Variants in NBEA observed in about 807,000 individuals in gnomAD.
NBEA encodes the protein lysosomal-trafficking regulator 2.
NBEA carries 44 observed loss-of-function variants against 343.4 expected under a neutral mutation model. That is an observed-to-expected ratio of 0.13 (90% CI 0.10 to 0.16). The LOEUF (loss-of-function observed/expected upper bound fraction) is 0.16. Among genes scored for constraint, NBEA ranks in the 10% least tolerant of loss-of-function variants. NBEA has a pLI of 1.00. For synonymous variants in NBEA, 1,175 were observed against 1,238.7 expected (o/e 0.95, Z 1.08); for missense variants, 2,555 against 3,631.3 (o/e 0.70, Z 7.62).
At chr13:35,656,370 T>C (rs2084814513) in intron 55 of NBEA, among the ~76,000 whole-genome samples, 1 of 152,236 alleles carries the variant, frequency 6.6e-6, no homozygotes, top group Non-Finnish European at 1.5e-5. Context: ...TGAAATAATT[T>C]TGGAGTACAG....
chr13:35,088,861 G>C (rs982341456), intron 10 of NBEA, among the ~76,000 whole-genome samples: 1 of 140,468 alleles, frequency 7.1e-6, no homozygotes, highest in Non-Finnish European at 1.5e-5. Context: ...GCCATATGTA[G>C]AAAGCTGAAA....
At chr13:35,085,104 C>T (rs2064670134) in intron 10 of NBEA, among the ~76,000 whole-genome samples, 2 of 151,740 alleles carry the variant, frequency 1.3e-5, no homozygotes, top group Admixed American at 1.3e-4. Flanking sequence ...GCTTACCAAC[C>T]AAAAAAAGTC....
chr13:35,481,115 A>G (rs1214847984), intron 41 of NBEA, among the ~76,000 whole-genome samples: 1 of 152,104 alleles, frequency 6.6e-6, no homozygotes, highest in East Asian at 1.9e-4. Flanking sequence ...CCTTTGCCTC[A>G]GTTTTCTTCA....
chr13:35,216,159 A>C (rs1006103459), intron 33 of NBEA, among the ~76,000 whole-genome samples: 2 of 151,302 alleles, frequency 1.3e-5, no homozygotes, highest in Admixed American at 6.6e-5. Flanking sequence ...TAATATTTTT[A>C]GAGTGTTTTT....
At chr13:35,651,299 T>TG (rs955173482) in intron 52 of NBEA, among the ~76,000 whole-genome samples, 3 of 152,274 alleles carry the variant, frequency 2.0e-5, no homozygotes, top group Admixed American at 6.5e-5. Context: ...TGTCACATGT[T>TG]GAAAAAAAGG....
intron 36 of NBEA, among the ~76,000 whole-genome samples, chr13:35,314,275 A>C (rs1594180089): frequency 6.6e-6 from 1 of 152,152 alleles, no homozygotes; most frequent in East Asian, 1.9e-4. Flanking sequence ...AAGAGAAAAA[A>C]CTAAAGAAAC....
chr13:35,260,823 T>A (rs2152797827), intron 34 of NBEA, among the ~76,000 whole-genome samples: 1 of 152,288 alleles, frequency 6.6e-6, no homozygotes, highest in Non-Finnish European at 1.5e-5. Context: ...TCCTAATTGA[T>A]TTCCTGGGAC....
Position 35,667,540 on chromosome 13 carries a change from G to C in NBEA, c.8631G>C (p.Leu2877Phe), listed in dbSNP as rs766308982. ...ATTTCAGCATTAATGGGAAACTTTT[G>C]GCTCAAATGGAGATCAATGATTCAA... ...FSNFSINGKL[L>F]AQMEINDSTR... Residue 2877 changes from leucine to phenylalanine, a missense_variant, in exon 57 of 59, where the codon TTG becomes TTC. By Grantham distance (22) the Leu-to-Phe change is conservative (BLOSUM62 0). Coordinates refer to ENST00000379939, the MANE Select transcript of NBEA (RefSeq NM_001385012.1). 12 of 1,613,946 alleles carry C rather than the reference G, an allele frequency of 7.4e-6. No homozygotes were observed. Among genetic ancestry groups the C allele is most frequent in the Non-Finnish European group, 1.0e-5 (12 of 1,179,872 alleles).
In NBEA at chr13:35,661,961, A is replaced by G. The variant is rs149961916; in HGVS notation, c.8363-3124A>G. On this transcript the variant is annotated intron_variant, in intron 55 of 58. Coordinates refer to ENST00000379939, the MANE Select transcript of NBEA (RefSeq NM_001385012.1). Reference sequence around the variant, plus strand: ...CTCCACTGGCTTTGTTTAGTTCTAAATCAGAAAGACCACAGCTTCCCCTGC... The same window carrying G: ...CTCCACTGGCTTTGTTTAGTTCTAAGTCAGAAAGACCACAGCTTCCCCTGC... Among the ~76,000 whole-genome samples the G allele has an allele frequency of 1.9e-3, 287 of 152,270 alleles. 6 individuals carry two copies. The East Asian group carries it at 0.043, about 23-fold the overall frequency.
chr13:35,116,849 A>T (rs971440994), intron 13 of NBEA, among the ~76,000 whole-genome samples: 6 of 152,040 alleles, frequency 3.9e-5, no homozygotes, highest in Non-Finnish European at 8.8e-5. Context: ...TAGAACTGAT[A>T]TGCACATTTT....
At chr13:35,157,915 G>T (rs1256201731) in intron 21 of NBEA, among the ~76,000 whole-genome samples, 1 of 152,072 alleles carries the variant, frequency 6.6e-6, no homozygotes, top group African/African-American at 2.4e-5. Context: ...TGAGTTTTGT[G>T]ATTTTAGGAG....
Position 35,299,412 on chromosome 13 carries a change from G to C in NBEA, c.5838+8962G>C, listed in dbSNP as rs141538014. Among the ~76,000 whole-genome samples, 264 of 152,208 alleles carry C rather than the reference G, an allele frequency of 1.7e-3. 1 individual carries two copies. Among genetic ancestry groups the C allele is most frequent in the Middle Eastern group, 6.8e-3 (2 of 294 alleles). ...TATATTTTGGATCTGAGATTTCTTC[G>C]ACTAGTCCATCTAACTACCATAAAG... On this transcript the variant is annotated intron_variant, in intron 35 of 58. Transcript: ENST00000379939.
At chr13:35,243,077 T>C (rs2030589555) in intron 34 of NBEA, among the ~76,000 whole-genome samples, 1 of 151,874 alleles carries the variant, frequency 6.6e-6, no homozygotes, top group Non-Finnish European at 1.5e-5. Flanking sequence ...AACCTATGAA[T>C]CTATGCTAAT....
At chr13:35,297,616 T>C (rs1397507196) in intron 35 of NBEA, among the ~76,000 whole-genome samples, 4 of 152,040 alleles carry the variant, frequency 2.6e-5, no homozygotes, top group East Asian at 3.9e-4. Context: ...GTGAAGTCAC[T>C]TTATGGATGT....
Position 35,443,825 on chromosome 13 carries a change from T to A in NBEA, c.6305-8267T>A, listed in dbSNP as rs1208865455. Among the ~76,000 whole-genome samples, 3 of 152,126 alleles carry A rather than the reference T, an allele frequency of 2.0e-5. No individual in the cohort carries two copies. The East Asian group carries it at 5.8e-4, about 29-fold the overall frequency. On this transcript the variant is annotated intron_variant, in intron 39 of 58. Coordinates refer to ENST00000379939, the MANE Select transcript of NBEA (RefSeq NM_001385012.1). ...AACAGTTTTGCCATTGGGATTTTTC[T>A]ATTGAAAGACCTGTTTTCTTCTCCT...
chr13:35,585,182 A>G (rs1020461688), intron 46 of NBEA, among the ~76,000 whole-genome samples: 1 of 126,184 alleles, frequency 7.9e-6, no homozygotes, highest in Non-Finnish European at 1.6e-5. Context: ...GTTCTTTCCC[A>G]TCTCTCTCCC....
At chr13:35,516,214 A>G (rs979175788) in intron 41 of NBEA, among the ~76,000 whole-genome samples, 34 of 152,184 alleles carry the variant, frequency 2.2e-4, no homozygotes, top group African/African-American at 8.0e-4. Context: ...ATCCTTGTCT[A>G]CATAGCAAGT....
intron 17 of NBEA, among the ~76,000 whole-genome samples, chr13:35,123,913 G>A (rs1369199818): frequency 1.3e-5 from 2 of 152,040 alleles, no homozygotes; most frequent in African/African-American, 2.4e-5. Context: ...AGGAAATACT[G>A]TGTATATGCT....
intron 30 of NBEA, among the ~76,000 whole-genome samples, chr13:35,191,880 T>C (rs1179499351): frequency 6.6e-6 from 1 of 151,986 alleles, no homozygotes; most frequent in African/African-American, 2.4e-5. Context: ...TAAAACAGGA[T>C]TTTTGGAGGA....
Sources: gnomAD v4.1 joint callset for allele counts (sites outside exome capture counted in the v4.1 genomes callset) on GRCh38, gnomAD v4.1.1 for gene constraint, MANE v1.5 for transcripts, NCBI Gene and HGNC (gene_info 2026-07-23, HGNC 2026-07-21) for gene names.